The following ADAP2 variants were observed in gnomAD, a reference collection of about 807,000 sequenced individuals.
ADAP2 encodes the protein ArfGAP with dual PH domains 2, also known as arf-GAP with dual PH domain-containing protein 2.
A neutral mutation model predicts 54.9 loss-of-function variants in ADAP2; 42 were observed. The ratio of observed to expected loss-of-function variants is 0.77; its 90% CI spans 0.60 to 0.99. ADAP2 has a LOEUF of 0.99. Among genes scored for constraint, ADAP2 ranks in the 50% least tolerant of loss-of-function variants. The pLI, the probability that ADAP2 is intolerant of heterozygous loss-of-function variation, is 0.00. For missense variants in ADAP2, 429 were observed against 480.4 expected, an observed-to-expected ratio of 0.89 and a Z score of 1.00; for synonymous variants, 177 against 180.1, an observed-to-expected ratio of 0.98 and a Z score of 0.14.
chr17:30,953,691 C>T (rs1717691419), intron 8 of ADAP2, among the ~76,000 whole-genome samples: 1 of 152,020 alleles, frequency 6.6e-6, no homozygotes, highest in African/African-American at 2.4e-5. Flanking sequence ...TGCCCACCAC[C>T]ATGCCCGGCT....
At chr17:30,926,744 C>A in intron 2 of ADAP2, 83 bp from the exon 3 acceptor site, 2 of 1,264,968 alleles carry the variant, frequency 1.6e-6, no homozygotes, top group Non-Finnish European at 2.3e-6. Flanking sequence ...TTTCTTCTGA[C>A]TCAGCCTAAG....
rs1366660179 is a variant in ADAP2 at position 30,945,022 on chromosome 17, G to A, written c.626G>A (p.Arg209Lys). Residue 209 changes from arginine to lysine, a missense_variant, in exon 6 of 11, where the codon AGG (arginine) becomes AAG (lysine). Arg to Lys is a conservative substitution (Grantham distance 26). Transcript: ENST00000330889. ...ACCTACAGGAGAGATGGCCACACCA[G>A]GAACCTGTTTGTGTATCATGAAAGT... The part of the protein sequence containing the change: ...QITYRRDGHT[R>K]NLFVYHESGK... 7 of 1,613,974 alleles carry A rather than the reference G, an allele frequency of 4.3e-6. No individual in the cohort carries two copies. The highest frequency in any genetic ancestry group is 5.1e-6 in the Non-Finnish European group (6 of 1,180,034).
intron 8 of ADAP2, 43 bp from the exon 9 acceptor site, chr17:30,954,435 A>G (rs1904908843): frequency 6.3e-7 from 1 of 1,585,318 alleles, no homozygotes; most frequent in African/African-American, 1.3e-5. Context: ...TATCCTCAGA[A>G]ACTGACCTGG....
At chr17:30,944,378 T>A (rs965045261) in intron 5 of ADAP2, among the ~76,000 whole-genome samples, 4 of 152,038 alleles carry the variant, frequency 2.6e-5, no homozygotes, top group African/African-American at 7.2e-5. Context: ...GGCTCATGCC[T>A]ATAATCCCAG....
intron 6 of ADAP2, among the ~76,000 whole-genome samples, chr17:30,945,389 T>A (rs1462550918): frequency 6.6e-6 from 1 of 152,078 alleles, no homozygotes; most frequent in Non-Finnish European, 1.5e-5. Flanking sequence ...TGATGGACAG[T>A]CAGGCAGCAG....
chr17:30,957,432 A>C (rs556340201), intron 10 of ADAP2, among the ~76,000 whole-genome samples: 1 of 129,880 alleles, frequency 7.7e-6, no homozygotes. Context: ...TTTTTTTTTT[A>C]ATTTTCTTTT....
chr17:30,924,089 T>A (rs551313744), intron 2 of ADAP2, among the ~76,000 whole-genome samples: 3 of 152,162 alleles, frequency 2.0e-5, no homozygotes, highest in African/African-American at 7.2e-5. Context: ...ACAGTTGCTG[T>A]TGTACGGGTG....
Position 30,949,331 on chromosome 17 carries a change from G to T in ADAP2, c.702G>T (p.Gln234His). 6.2e-7 allele frequency: 1 copy of T among 1,614,196 alleles called. No homozygotes were observed. Residue 234 changes from glutamine to histidine, a missense_variant, in exon 7 of 11, where the codon CAG becomes CAT. Gln to His is a conservative substitution (Grantham distance 24, BLOSUM62 0). Transcript: ENST00000330889. ...ATGCCCTCCGTGCAGCCCGTCTGCA[G>T]TACCTAAAAATGGCCTTTCCTGAAC... Reference protein sequence around the residue: ...WFNALRAARLQYLKMAFPELP... With the variant: ...WFNALRAARLHYLKMAFPELP...
Position 30,934,296 on chromosome 17 carries a change from A to C in ADAP2, c.509A>C (p.Gln170Pro), listed in dbSNP as rs1310924115. The C allele has an allele frequency of 6.2e-7, 1 of 1,609,366 alleles. No homozygotes were observed. Among genetic ancestry groups the C allele is most frequent in the East Asian group, 2.2e-5 (1 of 44,868 alleles). The change falls in exon 5 of 11, where the codon CAG becomes CCG. Residue 170 changes from glutamine to proline, a missense_variant and splice_region_variant. Gln to Pro is a moderately conservative substitution (Grantham distance 76). Transcript: ENST00000330889. The part of the protein sequence containing the change: ...EGLLKYFTKE[Q>P]GKSPKAVISI... ...CTCCTGAAGTACTTCACAAAGGAAC[A>C]GGTAAGATGCCAGACCAATGAGAGC...
intron 5 of ADAP2, among the ~76,000 whole-genome samples, chr17:30,942,621 ATAGAT>A (rs1333072190): frequency 6.6e-6 from 1 of 152,234 alleles, no homozygotes; most frequent in Non-Finnish European, 1.5e-5. Flanking sequence ...TTAACAGAAA[ATAGAT>A]TGATAACTTT....
At chr17:30,922,435 C>T in intron 1 of ADAP2, among the ~76,000 whole-genome samples, 1 of 152,246 alleles carries the variant, frequency 6.6e-6, no homozygotes, top group Non-Finnish European at 1.5e-5. Context: ...GGCCAGGCAC[C>T]CGACCGCCCG....
In ADAP2 at chr17:30,923,035, G is replaced by C; in HGVS notation, c.190G>C (p.Val64Leu). ...CCCTGACATCAGCAGAGTTAAATCT[G>C]TGCGACTTGACTTCTGGGACGACAG... The part of the protein sequence containing the change: ...NFPDISRVKS[V>L]RLDFWDDSIV... Residue 64 changes from valine (V) to leucine (L), a missense_variant, in exon 2 of 11, where the codon GTG (valine) becomes CTG (leucine). Coordinates refer to ENST00000330889, the MANE Select transcript of ADAP2 (RefSeq NM_018404.3). 1.2e-6 allele frequency: 2 copies of C among 1,614,016 alleles called. No homozygotes were observed. Among genetic ancestry groups the C allele is most frequent in the Non-Finnish European group, 1.7e-6 (2 of 1,179,998 alleles).
intron 6 of ADAP2, among the ~76,000 whole-genome samples, chr17:30,948,172 T>C (rs1177766000): frequency 6.6e-6 from 1 of 152,154 alleles, no homozygotes; most frequent in Admixed American, 6.5e-5. Flanking sequence ...CAAATAGTTT[T>C]GCATGGAAGG....
chr17:30,934,348 G>C, intron 5 of ADAP2, 51 bp downstream of exon 5: 1 of 1,252,888 alleles, frequency 8.0e-7, no homozygotes, highest in Non-Finnish European at 1.2e-6. Flanking sequence ...ACTCTCACCC[G>C]ACTAAGGTCT....
Position 30,957,890 on chromosome 17 carries a change from C to T in ADAP2, c.*21C>T. Reference sequence around the variant, plus strand: ...GGTGACCCATTAACTGAGGAACTGGCTGCCACTGAACACCTGGAACTCCTT... The same window carrying T: ...GGTGACCCATTAACTGAGGAACTGGTTGCCACTGAACACCTGGAACTCCTT... On this transcript the variant is annotated 3_prime_UTR_variant, in exon 11 of 11. Coordinates refer to ENST00000330889, the MANE Select transcript of ADAP2 (RefSeq NM_018404.3). 1 of 1,611,094 alleles carries T rather than the reference C, an allele frequency of 6.2e-7. No homozygotes were observed. Among genetic ancestry groups the T allele is most frequent in the Non-Finnish European group, 8.5e-7 (1 of 1,178,408 alleles).
intron 6 of ADAP2, among the ~76,000 whole-genome samples, chr17:30,946,154 C>CA (rs1168235087): frequency 3.3e-5 from 5 of 150,602 alleles, no homozygotes; most frequent in Non-Finnish European, 7.4e-5. Flanking sequence ...GACTCCACCT[C>CA]AAAAAAACAA....
chr17:30,944,247 G>A (rs1046315959), intron 5 of ADAP2, among the ~76,000 whole-genome samples: 1 of 152,164 alleles, frequency 6.6e-6, no homozygotes, highest in African/African-American at 2.4e-5. Flanking sequence ...GGATTGATCT[G>A]GAGAACATTA....
At chr17:30,942,679 A>G (rs1478787417) in intron 5 of ADAP2, among the ~76,000 whole-genome samples, 1 of 152,240 alleles carries the variant, frequency 6.6e-6, no homozygotes, top group Non-Finnish European at 1.5e-5. Flanking sequence ...GGTGTATCTC[A>G]GCATGGGTAG....
chr17:30,949,976 C>T (rs1268453622), intron 7 of ADAP2, among the ~76,000 whole-genome samples: 1 of 152,112 alleles, frequency 6.6e-6, no homozygotes, highest in African/African-American at 2.4e-5. Context: ...CTTTCTGAAC[C>T]CTTCTCCCTC....
Sources: gnomAD v4.1 joint callset for allele counts (sites outside exome capture counted in the v4.1 genomes callset) on GRCh38, gnomAD v4.1.1 for gene constraint, MANE v1.5 for transcripts, NCBI Gene and HGNC (gene_info 2026-07-23, HGNC 2026-07-21) for gene names.